The following BUB1B variants were observed in gnomAD, a reference collection of about 807,000 sequenced individuals.
The protein encoded by BUB1B is mitotic checkpoint serine/threonine-protein kinase BUB1 beta.
BUB1B carries 86 observed loss-of-function variants against 137.7 expected under a neutral mutation model. The observed-to-expected ratio is 0.62, with a 90% CI of 0.52 to 0.75. The LOEUF (loss-of-function observed/expected upper bound fraction) is 0.75, where lower values mean the gene tolerates loss of function less well. Among genes scored for constraint, BUB1B ranks in the 30% least tolerant of loss-of-function variants. The pLI, the probability that BUB1B is intolerant of heterozygous loss-of-function variation, is 0.00. For synonymous variants in BUB1B, 420 were observed against 417.9 expected (o/e 1.00, Z -0.06); for missense variants, 1,130 against 1,236.9 (o/e 0.91, Z 1.30).
At position 40,187,415 on chromosome 15, in the gene BUB1B, C is replaced by T. The variant is rs141373964; in HGVS notation, c.1058+1773C>T. 6.0e-3 allele frequency among the ~76,000 whole-genome samples: 915 copies of T among 152,058 alleles called. 7 individuals are homozygous for T. Among genetic ancestry groups the T allele is most frequent in the African/African-American group, 0.021 (866 of 41,460 alleles). On this transcript the variant is annotated intron_variant, in intron 8 of 22. Coordinates refer to ENST00000287598, the MANE Select transcript of BUB1B (RefSeq NM_001211.6). ...TGCTGGGATTACAGATGTGAGCCAC[C>T]GCACCCGGTCAACAATTTTTTTTTA...
At chr15:40,219,790 G>GT (rs543772386) in intron 22 of BUB1B, among the ~76,000 whole-genome samples, 111 of 151,556 alleles carry the variant, frequency 7.3e-4, no homozygotes, top group African/African-American at 2.6e-3. Context: ...GTCACCTATT[G>GT]TTATATTCTT....
intron 5 of BUB1B, among the ~76,000 whole-genome samples, chr15:40,181,327 G>A (rs2037290374): frequency 6.6e-6 from 1 of 151,936 alleles, no homozygotes; most frequent in South Asian, 2.1e-4. Context: ...CCAATCTCAG[G>A]TGATCCACCC....
intron 15 of BUB1B, among the ~76,000 whole-genome samples, chr15:40,208,056 G>A (rs1452805004): frequency 6.6e-6 from 1 of 150,776 alleles, no homozygotes; most frequent in East Asian, 2.0e-4. Flanking sequence ...GGAAATCAAG[G>A]CTGCAGTGAG....
Position 40,213,376 on chromosome 15 carries a change from G to A in BUB1B, c.2580G>A (p.Val860=), listed in dbSNP as rs888568038. ...HSEYITHEIT[V]LIIYNLLTIV... The stretch of plus-strand genomic sequence containing the variant: ...AATATATTACCCATGAAATAACAGT[G>A]TTGATTATTTATAACCTTTTGACAA... Residue 860 remains valine, a synonymous_variant, in exon 20 of 23, where the codon GTG becomes GTA. Transcript: ENST00000287598. 31 of 1,613,632 alleles carry A rather than the reference G, an allele frequency of 1.9e-5. No homozygotes were observed. The highest frequency in any genetic ancestry group is 2.6e-5 in the Non-Finnish European group (31 of 1,179,594).
intron 5 of BUB1B, 91 bp downstream of exon 5, chr15:40,176,764 T>C: frequency 7.3e-7 from 1 of 1,374,894 alleles, no homozygotes; most frequent in Non-Finnish European, 1.0e-6. Flanking sequence ...TTCTGGTGGA[T>C]TGGCATGTTA....
At chr15:40,206,585 A>G in intron 15 of BUB1B, 127 bp downstream of exon 15, 12 of 1,194,078 alleles carry the variant, frequency 1.0e-5, no homozygotes, top group Non-Finnish European at 1.4e-5. Context: ...AGTGCTTTAC[A>G]TGAGAGTAGG....
At chr15:40,196,519 G>A in intron 8 of BUB1B, 26 bp from the exon 9 acceptor site, 2 of 1,565,624 alleles carry the variant, frequency 1.3e-6, no homozygotes, top group Non-Finnish European at 1.8e-6. Flanking sequence ...TGACCCATAT[G>A]AATAATAGTA....
rs774391455 is a variant in BUB1B at position 40,165,087 on chromosome 15, C to G, written c.70C>G (p.Leu24Val). 6.2e-7 allele frequency: 1 copy of G among 1,614,162 alleles called. No individual in the cohort carries two copies. Reference sequence around the variant, plus strand: ...GTCCCTGGAGGGAGATGAATGGGAACTGAGTAAAGAAAATGTACAACCTTT... The same window carrying G: ...GTCCCTGGAGGGAGATGAATGGGAAGTGAGTAAAGAAAATGTACAACCTTT... ...AMSLEGDEWE[L>V]SKENVQPLRQ... The change falls in exon 2 of 23, where the codon CTG (leucine) becomes GTG (valine). Residue 24 changes from leucine (L) to valine (V), a missense_variant. Transcript: ENST00000287598.
chr15:40,168,526 C>G (rs886752876), intron 2 of BUB1B, among the ~76,000 whole-genome samples: 8 of 152,154 alleles, frequency 5.3e-5, no homozygotes, highest in Admixed American at 3.9e-4. Flanking sequence ...CTCATTATTT[C>G]ACACTTTAAT....
intron 20 of BUB1B, among the ~76,000 whole-genome samples, chr15:40,214,154 C>G (rs934090848): frequency 6.6e-6 from 1 of 152,108 alleles, no homozygotes; most frequent in Non-Finnish European, 1.5e-5. Context: ...TTTCATAGAC[C>G]AAAGCTTAAG....
At chr15:40,175,388 C>A (rs931027921) in intron 4 of BUB1B, among the ~76,000 whole-genome samples, 2 of 151,976 alleles carry the variant, frequency 1.3e-5, no homozygotes, top group Admixed American at 1.3e-4. Flanking sequence ...CAGAGCAAGA[C>A]CTTGTCTGTA....
intron 9 of BUB1B, 97 bp downstream of exon 9, chr15:40,196,871 AC>A: frequency 9.1e-7 from 1 of 1,098,328 alleles, no homozygotes; most frequent in Non-Finnish European, 1.4e-6. Flanking sequence ...TATAGTTTGT[AC>A]CTTTGTATGA....
intron 8 of BUB1B, among the ~76,000 whole-genome samples, chr15:40,191,386 A>T (rs2037436109): frequency 6.6e-6 from 1 of 152,174 alleles, no homozygotes; most frequent in Admixed American, 6.5e-5. Flanking sequence ...CGGATACATG[A>T]TTTGCAAATA....
At chr15:40,197,623 G>A (rs150369831) in intron 9 of BUB1B, among the ~76,000 whole-genome samples, 4 of 152,312 alleles carry the variant, frequency 2.6e-5, no homozygotes, top group African/African-American at 7.2e-5. Flanking sequence ...AGGATGTGGT[G>A]TTTGTGGGGT....
intron 5 of BUB1B, 136 bp from the exon 6 acceptor site, chr15:40,183,578 A>C (rs2037322173): frequency 2.5e-6 from 2 of 789,378 alleles, no homozygotes; most frequent in Non-Finnish European, 2.2e-6. Context: ...CTGAGAGAAT[A>C]AACATGTTCT....
At chr15:40,212,763 A>G (rs1357132252) in intron 19 of BUB1B, 115 bp downstream of exon 19, 2 of 942,862 alleles carry the variant, frequency 2.1e-6, no homozygotes, top group Non-Finnish European at 3.2e-6. Flanking sequence ...GACCAATTCA[A>G]GTATAAGTTA....
chr15:40,198,999 C>G (rs1212727235), intron 9 of BUB1B, among the ~76,000 whole-genome samples: 1 of 152,210 alleles, frequency 6.6e-6, no homozygotes, highest in Non-Finnish European at 1.5e-5. Flanking sequence ...CACCCTCTTA[C>G]TATGCTGCAA....
chr15:40,167,507 T>C lies in BUB1B; in HGVS notation c.179+2311T>C, dbSNP rs892059292. 2.6e-4 allele frequency among the ~76,000 whole-genome samples: 40 copies of C among 152,140 alleles called. 1 individual carries two copies. Among genetic ancestry groups the C allele is most frequent in the African/African-American group, 6.5e-4 (27 of 41,526 alleles). On this transcript the variant is annotated intron_variant, in intron 2 of 22. Coordinates refer to ENST00000287598, the MANE Select transcript of BUB1B (RefSeq NM_001211.6). ...ACAGGCACGCACCACCACGCCTGGC[T>C]AATTTTTTGTATTTTTAGTAGAGAT...
chr15:40,185,796 G>A (rs1377515946), intron 8 of BUB1B, among the ~76,000 whole-genome samples, 154 bp downstream of exon 8: 1 of 152,140 alleles, frequency 6.6e-6, no homozygotes, highest in Non-Finnish European at 1.5e-5. Flanking sequence ...ACAGGCTGAG[G>A]CAGGAGGATC....
Sources: gnomAD v4.1 joint callset for allele counts (sites outside exome capture counted in the v4.1 genomes callset) on GRCh38, gnomAD v4.1.1 for gene constraint, MANE v1.5 for transcripts, NCBI Gene and HGNC (gene_info 2026-07-23, HGNC 2026-07-21) for gene names.